Variants in FAM50B observed in about 807,000 individuals in gnomAD.
FAM50B encodes the protein family with sequence similarity 50 member B, also known as protein FAM50B.
A neutral mutation model predicts 25.4 loss-of-function variants in FAM50B; 9 were observed. That is an observed-to-expected ratio of 0.35 (90% confidence interval 0.21 to 0.62). The LOEUF is 0.62. Among genes scored for constraint, FAM50B ranks in the 20% least tolerant of loss-of-function variants. The probability of loss-of-function intolerance (pLI) is 0.73; values close to 1 mark genes in which losing one functional copy is unlikely to be tolerated. For missense variants in FAM50B, 372 were observed against 477.9 expected, an observed-to-expected ratio of 0.78 and a Z score of 2.07; for synonymous variants, 212 against 204.3, an observed-to-expected ratio of 1.04 and a Z score of -0.32.
the FAM50B span, among the ~76,000 whole-genome samples, chr6:3,844,043 G>T: frequency 6.6e-6 from 1 of 152,210 alleles, no homozygotes; most frequent in Admixed American, 6.5e-5. Context: ...GTTTAAAATA[G>T]AATTCAGACT....
At chr6:3,835,502 T>C in the FAM50B span, among the ~76,000 whole-genome samples, 2 of 152,246 alleles carry the variant, frequency 1.3e-5, no homozygotes, top group Admixed American at 6.5e-5. Context: ...ATGTGATCCA[T>C]GAGTTAGGGC....
the FAM50B span, among the ~76,000 whole-genome samples, chr6:3,841,649 G>A: frequency 6.6e-6 from 1 of 152,326 alleles, no homozygotes; most frequent in South Asian, 2.1e-4. Context: ...CCCCAAGAGT[G>A]CTTGGTCCTT....
Position 3,850,224 on chromosome 6 carries a change from G to T in FAM50B, c.413G>T (p.Arg138Leu), listed in dbSNP as rs759890689. Residue 138 changes from arginine (R) to leucine (L), a missense_variant, in exon 2 of 2, where the codon CGC (arginine) becomes CTC (leucine). By Grantham distance (102) the Arg-to-Leu change is moderately radical (BLOSUM62 -2). Coordinates refer to ENST00000648326, the MANE Select transcript of FAM50B (RefSeq NM_012135.3). ...CAGGCCGACGCGGCCGAGGCCAGGC[G>T]CGCCGGAAACCTGGGCAAGAACCCC... ...DDQADAAEAR[R>L]AGNLGKNPDV... 1.2e-6 allele frequency: 2 copies of T among 1,613,300 alleles called. No individual in the cohort carries two copies. Among genetic ancestry groups the T allele is most frequent in the South Asian group, 2.2e-5 (2 of 91,072 alleles).
the FAM50B span, among the ~76,000 whole-genome samples, chr6:3,835,841 C>T: frequency 2.0e-5 from 3 of 152,210 alleles, no homozygotes; most frequent in Non-Finnish European, 4.4e-5. Context: ...TGTGGACTCC[C>T]AACCTCACGC....
the FAM50B span, among the ~76,000 whole-genome samples, chr6:3,838,352 C>A: frequency 6.6e-6 from 1 of 151,934 alleles, no homozygotes; most frequent in Non-Finnish European, 1.5e-5. Flanking sequence ...GAAAGAATGT[C>A]CATCAAGAAG....
the FAM50B span, among the ~76,000 whole-genome samples, chr6:3,840,133 C>A: frequency 6.6e-6 from 1 of 152,108 alleles, no homozygotes; most frequent in African/African-American, 2.4e-5. Flanking sequence ...GTTGGGACTA[C>A]AGGCGCACAC....
chr6:3,835,471 A>G, the FAM50B span, among the ~76,000 whole-genome samples: 1 of 152,134 alleles, frequency 6.6e-6, no homozygotes, highest in African/African-American at 2.4e-5. Context: ...AGCCAGCCCC[A>G]TTATGAACAG....
upstream of FAM50B, among the ~76,000 whole-genome samples, chr6:3,846,296 AT>A (rs1478889667): frequency 6.6e-6 from 1 of 152,228 alleles, no homozygotes. Flanking sequence ...AGTCACACAA[AT>A]TTTTAAATTT....
At position 3,850,090 on chromosome 6, in the gene FAM50B, C is replaced by A. The variant is rs1440567151; in HGVS notation, c.279C>A (p.His93Gln). ...ERERQLAKRQ[H>Q]LEEQRLQQER... Reference sequence around the variant, plus strand: ...AGCGGCAGCTGGCCAAGCGCCAGCACCTGGAGGAGCAGCGGCTGCAGCAGG... The same window carrying A: ...AGCGGCAGCTGGCCAAGCGCCAGCAACTGGAGGAGCAGCGGCTGCAGCAGG... The change falls in exon 2 of 2, where the codon CAC becomes CAA. Residue 93 changes from histidine to glutamine, a missense_variant. Physicochemically the swap from His to Gln is conservative, Grantham distance 24. Transcript: ENST00000648326. The A allele has an allele frequency of 3.7e-6, 6 of 1,610,152 alleles. No individual in the cohort carries two copies. The highest frequency in any genetic ancestry group is 5.1e-6 in the Non-Finnish European group (6 of 1,178,642).
chr6:3,849,974 G>A lies in FAM50B; in HGVS notation c.163G>A (p.Ala55Thr), dbSNP rs147508307. 1.2e-6 allele frequency: 2 copies of A among 1,613,934 alleles called. No homozygotes were observed. Among genetic ancestry groups the A allele is most frequent in the Non-Finnish European group, 1.7e-6 (2 of 1,179,968 alleles). ...VDKRFSAHYD[A>T]VEAELKSSTV... The stretch of plus-strand genomic sequence containing the variant: ...CAAGAGGTTCTCGGCGCATTACGAC[G>A]CCGTGGAGGCCGAGCTGAAGTCCAG... Residue 55 changes from alanine (A) to threonine (T), a missense_variant, in exon 2 of 2, where the codon GCC becomes ACC. This residue lies in a region of FAM50B where 64 missense variants were observed against 118.3 expected (regional missense o/e 0.54). Transcript: ENST00000648326.
the FAM50B span, among the ~76,000 whole-genome samples, chr6:3,835,805 A>G: frequency 3.3e-5 from 5 of 152,208 alleles, no homozygotes; most frequent in East Asian, 9.6e-4. Context: ...AGTAATGCCA[A>G]CATGAGAACC....
chr6:3,840,326 A>G, the FAM50B span, among the ~76,000 whole-genome samples: 32 of 152,108 alleles, frequency 2.1e-4, no homozygotes, highest in African/African-American at 7.2e-4. Flanking sequence ...ACAAAAAATT[A>G]GCTGGGCATG....
chr6:3,841,049 A>G, the FAM50B span, among the ~76,000 whole-genome samples: 12 of 152,234 alleles, frequency 7.9e-5, no homozygotes, highest in African/African-American at 2.9e-4. Context: ...ATTTCTTACC[A>G]CAATCAATGG....
In FAM50B at chr6:3,850,396, G is replaced by A. The variant is rs148492374; in HGVS notation, c.585G>A (p.Ser195=). ...TCACCTTCAGCTACTGGGACGGCTC[G>A]GGCCACCGGCGCACGGTGCGGGTGC... ...MEVTFSYWDG[S]GHRRTVRVRK... Residue 195 remains serine (S), a synonymous_variant, in exon 2 of 2, where the codon TCG becomes TCA. Coordinates refer to ENST00000648326, the MANE Select transcript of FAM50B (RefSeq NM_012135.3). 4.3e-6 allele frequency: 7 copies of A among 1,613,336 alleles called. No individual in the cohort carries two copies. The highest frequency in any genetic ancestry group is 1.6e-4 in the Middle Eastern group (1 of 6,062).
chr6:3,847,611 C>A (rs1049935166), upstream of FAM50B, among the ~76,000 whole-genome samples: 5 of 152,226 alleles, frequency 3.3e-5, no homozygotes, highest in African/African-American at 1.2e-4. Context: ...AGCAATAAGG[C>A]TGTTTTGCTT....
the FAM50B span, among the ~76,000 whole-genome samples, chr6:3,839,898 C>A: frequency 2.0e-5 from 3 of 152,190 alleles, no homozygotes; most frequent in African/African-American, 7.2e-5. Context: ...GTAATCCCTG[C>A]ACTTTGGGAG....
At chr6:3,849,116 C>T (rs1298647762), upstream of FAM50B, among the ~76,000 whole-genome samples, 1 of 152,184 alleles carries the variant, frequency 6.6e-6, no homozygotes, top group African/African-American at 2.4e-5. Flanking sequence ...GGTGGGGGCC[C>T]GCCCTGCCCA....
At chr6:3,844,497 G>A (rs1762099786), upstream of FAM50B, among the ~76,000 whole-genome samples, 1 of 152,014 alleles carries the variant, frequency 6.6e-6, no homozygotes, top group Non-Finnish European at 1.5e-5. Flanking sequence ...GATCACCTGA[G>A]GTCAGGAGTT....
upstream of FAM50B, among the ~76,000 whole-genome samples, chr6:3,849,164 G>A (rs1024997338): frequency 1.3e-5 from 2 of 152,204 alleles, no homozygotes; most frequent in Admixed American, 6.5e-5. Flanking sequence ...CCACGGCTGG[G>A]CAGGGCCAGA....
Sources: gnomAD v4.1 joint callset for allele counts (sites outside exome capture counted in the v4.1 genomes callset) on GRCh38, gnomAD v4.1.1 for gene constraint, gnomAD v4.1.1 regional missense constraint, MANE v1.5 for transcripts, NCBI Gene and HGNC (gene_info 2026-07-23, HGNC 2026-07-21) for gene names.